Variants in STX17 observed in about 807,000 individuals in gnomAD.
STX17 encodes syntaxin-17.
STX17 carries 29 observed loss-of-function variants against 35.9 expected under a neutral mutation model. The ratio of observed to expected loss-of-function variants is 0.81; its 90% CI spans 0.60 to 1.10. The LOEUF (loss-of-function observed/expected upper bound fraction) is 1.10. STX17 is among the 50% of genes least tolerant of loss of function. STX17 has a pLI of 0.00. For synonymous variants in STX17, 92 were observed against 118.3 expected, an observed-to-expected ratio of 0.78 and a Z score of 1.44; for missense variants, 312 against 352.3, an observed-to-expected ratio of 0.89 and a Z score of 0.92.
chr9:99,964,185 A>G (rs1015356920), intron 6 of STX17, among the ~76,000 whole-genome samples: 3 of 152,182 alleles, frequency 2.0e-5, no homozygotes, highest in South Asian at 2.1e-4. Flanking sequence ...TAGGCCTACA[A>G]GTGTCCCCAA....
At chr9:99,915,525 C>G (rs966307103) in intron 2 of STX17, among the ~76,000 whole-genome samples, 163 bp downstream of exon 2, 4 of 152,168 alleles carry the variant, frequency 2.6e-5, no homozygotes, top group Admixed American at 6.5e-5. Flanking sequence ...TTTTTCTGTT[C>G]TGCATATATA....
intron 2 of STX17, among the ~76,000 whole-genome samples, chr9:99,924,787 GC>G (rs1313699361): frequency 7.0e-6 from 1 of 143,232 alleles, no homozygotes; most frequent in Non-Finnish European, 1.5e-5. Context: ...TAACCTTATT[GC>G]CCTGGCTAGG....
chr9:99,911,740 C>A (rs562198156), intron 1 of STX17, among the ~76,000 whole-genome samples: 1 of 152,006 alleles, frequency 6.6e-6, no homozygotes, highest in Non-Finnish European at 1.5e-5. Context: ...CCACACCCAG[C>A]TAATTTTTAA....
chr9:99,919,833 G>C (rs189390412), intron 2 of STX17, among the ~76,000 whole-genome samples: 1 of 152,046 alleles, frequency 6.6e-6, no homozygotes, highest in South Asian at 2.1e-4. Flanking sequence ...AAATAAGATA[G>C]GAAATAGTCA....
At chr9:99,941,929 A>G (rs67506726) in intron 3 of STX17, among the ~76,000 whole-genome samples, 37,721 of 152,098 alleles carry the variant, frequency 0.25, 5,609 homozygotes, top group Non-Finnish European at 0.34. Context: ...TATAAATGCT[A>G]TTAACATTCT....
chr9:99,933,974 C>A (rs187270908), intron 3 of STX17, among the ~76,000 whole-genome samples: 144 of 152,158 alleles, frequency 9.5e-4, no homozygotes, highest in Non-Finnish European at 1.7e-3. Flanking sequence ...CTTACATAGA[C>A]AGGAATTCAC....
rs540934601 is a variant in STX17 at position 99,971,439 on chromosome 9, G to A, written c.*2766G>A. 1.1e-3 allele frequency among the ~76,000 whole-genome samples: 160 copies of A among 151,892 alleles called. No homozygotes were observed. Among genetic ancestry groups the A allele is most frequent in the African/African-American group, 3.7e-3 (155 of 41,414 alleles). ...ACTTACCATTCTGATGCTTTTTATT[G>A]TTTCAGTTTTTAAAATATGCCAGTT... On this transcript the variant is annotated 3_prime_UTR_variant, in exon 8 of 8. Transcript: ENST00000259400.
At chr9:99,927,979 T>A (rs1829023905) in intron 2 of STX17, among the ~76,000 whole-genome samples, 1 of 152,154 alleles carries the variant, frequency 6.6e-6, no homozygotes, top group African/African-American at 2.4e-5. Context: ...ATGAGGGAAT[T>A]TTTATGTTTC....
Position 99,958,273 on chromosome 9 carries a change from A to C in STX17, c.416-1644A>C, listed in dbSNP as rs572674429. ...TAATTTCTGTTCACCCTCAGGCTTC[A>C]GCTTCAGAGCCTTCTCTGACCACTC... On this transcript the variant is annotated intron_variant, in intron 4 of 7. Coordinates refer to ENST00000259400, the MANE Select transcript of STX17 (RefSeq NM_017919.3). 7.2e-5 allele frequency among the ~76,000 whole-genome samples: 11 copies of C among 152,262 alleles called. No homozygotes were observed. The South Asian group carries it at 1.2e-3, about 17-fold the overall frequency.
chr9:99,928,756 CTCCCTTCT>C lies in STX17; in HGVS notation c.124-20_124-13del. 1 of 1,593,028 alleles carries C rather than the reference CTCCCTTCT, an allele frequency of 6.3e-7. No individual in the cohort carries two copies. The highest frequency in any genetic ancestry group is 8.6e-7 in the Non-Finnish European group (1 of 1,165,706). On this transcript the variant is annotated splice_polypyrimidine_tract_variant and intron_variant, in intron 2 of 7. Transcript: ENST00000259400. ...CCTTTAGTGATGAAAAATTTAATACCTCCCTTCTTTCTTTTATATAGTATCAAAGGTGC... is the reference window on the plus strand; with the variant it reads ...CCTTTAGTGATGAAAAATTTAATACCTTCTTTTATATAGTATCAAAGGTGC...
intron 2 of STX17, among the ~76,000 whole-genome samples, chr9:99,922,161 T>G (rs561885772): frequency 4.6e-5 from 7 of 152,322 alleles, no homozygotes; most frequent in African/African-American, 1.7e-4. Context: ...GGTTCATAGA[T>G]TTAACATTAA....
At chr9:99,939,590 T>C (rs1393005977) in intron 3 of STX17, among the ~76,000 whole-genome samples, 2 of 152,350 alleles carry the variant, frequency 1.3e-5, no homozygotes, top group East Asian at 1.9e-4. Context: ...GATACTGTGT[T>C]TTAAAATTGA....
At chr9:99,924,185 G>A (rs1828943666) in intron 2 of STX17, among the ~76,000 whole-genome samples, 2 of 152,146 alleles carry the variant, frequency 1.3e-5, no homozygotes, top group Admixed American at 6.5e-5. Flanking sequence ...GACCCCCTCT[G>A]GAATGAGTGT....
At chr9:99,941,597 C>A (rs948795499) in intron 3 of STX17, among the ~76,000 whole-genome samples, 4 of 152,082 alleles carry the variant, frequency 2.6e-5, no homozygotes, top group African/African-American at 7.2e-5. Flanking sequence ...TCCTAGAAGC[C>A]CATAGCCTCT....
At chr9:99,952,825 A>G (rs901778290) in intron 4 of STX17, among the ~76,000 whole-genome samples, 6 of 150,470 alleles carry the variant, frequency 4.0e-5, no homozygotes, top group Admixed American at 2.7e-4. Flanking sequence ...GTGGGAATTG[A>G]ACAATGAGAA....
intron 6 of STX17, among the ~76,000 whole-genome samples, chr9:99,966,229 G>A (rs1163046464): frequency 6.6e-6 from 1 of 152,190 alleles, no homozygotes; most frequent in Admixed American, 6.5e-5. Context: ...GTCTCTCACA[G>A]AGACATTCAA....
intron 4 of STX17, among the ~76,000 whole-genome samples, chr9:99,958,349 C>A (rs894353338): frequency 1.3e-5 from 2 of 152,172 alleles, no homozygotes; most frequent in Admixed American, 1.3e-4. Context: ...CCGTGTAGCA[C>A]TCTATACTTA....
Position 99,951,106 on chromosome 9 carries a change from T to C in STX17, c.236T>C (p.Val79Ala), listed in dbSNP as rs761157132. ...IREIEKLCLKVRKDDLVLLKR... is the reference protein window; with the variant it reads ...IREIEKLCLKARKDDLVLLKR... The stretch of plus-strand genomic sequence containing the variant: ...GAAATTGAGAAACTTTGTTTGAAAG[T>C]CCGAAAGGATGACCTAGTACTTCTG... Residue 79 changes from valine (V) to alanine (A), a missense_variant, in exon 4 of 8, where the codon GTC becomes GCC. By Grantham distance (64) the Val-to-Ala change is moderately conservative. Transcript: ENST00000259400. 3.1e-6 allele frequency: 5 copies of C among 1,612,112 alleles called. No homozygotes were observed. The highest frequency in any genetic ancestry group is 4.2e-6 in the Non-Finnish European group (5 of 1,178,842).
chr9:99,951,143 A>G lies in STX17; in HGVS notation c.273A>G (p.Ile91Met). The G allele has an allele frequency of 6.2e-7, 1 of 1,613,100 alleles. No individual in the cohort carries two copies. Among genetic ancestry groups the G allele is most frequent in the Non-Finnish European group, 8.5e-7 (1 of 1,179,228 alleles). ...KDDLVLLKRM[I>M]DPVKEEASAA... ...ACCTAGTACTTCTGAAGAGAATGAT[A>G]GATCCTGTTAAAGAAGAAGCATCAG... Residue 91 changes from isoleucine to methionine, a missense_variant, in exon 4 of 8, where the codon ATA becomes ATG. Coordinates refer to ENST00000259400, the MANE Select transcript of STX17 (RefSeq NM_017919.3).
Sources: gnomAD v4.1 joint callset for allele counts (sites outside exome capture counted in the v4.1 genomes callset) on GRCh38, gnomAD v4.1.1 for gene constraint, MANE v1.5 for transcripts, NCBI Gene and HGNC (gene_info 2026-07-23, HGNC 2026-07-21) for gene names.